The following PCDH11X variants were observed in gnomAD, a reference collection of about 807,000 sequenced individuals.
The protein encoded by PCDH11X is protocadherin 11 X-linked.
A neutral mutation model predicts 53.3 loss-of-function variants in PCDH11X; 18 were observed. The observed-to-expected ratio is 0.34, with a 90% confidence interval of 0.23 to 0.50. PCDH11X has a LOEUF of 0.50. Ranked by LOEUF, PCDH11X falls within the 20% of genes least tolerant of loss-of-function variation. The pLI, the probability that PCDH11X is intolerant of heterozygous loss-of-function variation, is 0.98. For synonymous variants in PCDH11X, 279 were observed against 393.3 expected (o/e 0.71, Z 3.44); for missense variants, 570 against 1,032.4 (o/e 0.55, Z 6.14).
rs771561570 is a variant in PCDH11X at position 92,545,307 on chromosome X, A to C, written c.3368-72957A>C. The stretch of plus-strand genomic sequence containing the variant: ...CCAAAGACCAGTAAGAACTTACTAC[A>C]TAAGAGACATGTAGTCTATCAAATA... On this transcript the variant is annotated intron_variant, in intron 10 of 10. Coordinates refer to ENST00000682573, the MANE Select transcript of PCDH11X (RefSeq NM_032968.5). Among the ~76,000 whole-genome samples the C allele has an allele frequency of 2.9e-3, 317 of 109,693 alleles. No homozygotes were observed. In the Middle Eastern group the frequency reaches 0.037, roughly 13 times the overall value.
In PCDH11X at chrX:92,447,893, C is replaced by T. The variant is rs1388002307; in HGVS notation, c.3344-20406C>T. Among the ~76,000 whole-genome samples the T allele has an allele frequency of 2.7e-5, 3 of 111,874 alleles. No homozygotes were observed. The East Asian group carries it at 8.6e-4, about 32-fold the overall frequency. Reference sequence around the variant, plus strand: ...GGAGCTGCTGAAGATCATGGGAACCCACTTCTTGCATCAGCATGACCCGGA... The same window carrying T: ...GGAGCTGCTGAAGATCATGGGAACCTACTTCTTGCATCAGCATGACCCGGA... On this transcript the variant is annotated intron_variant, in intron 9 of 10. Transcript: ENST00000682573.
chrX:92,461,512 A>T (rs1212751002), intron 9 of PCDH11X, among the ~76,000 whole-genome samples: 1 of 112,371 alleles, frequency 8.9e-6, no homozygotes, highest in African/African-American at 3.2e-5. Context: ...CATATGCAGA[A>T]GAATTAAACT....
intron 6 of PCDH11X, among the ~76,000 whole-genome samples, chrX:92,032,102 C>T (rs2063060016): frequency 9.0e-6 from 1 of 111,728 alleles, no homozygotes; most frequent in African/African-American, 3.3e-5. Context: ...AATATTCATT[C>T]TTCCAATTCA....
intron 6 of PCDH11X, among the ~76,000 whole-genome samples, chrX:91,901,391 T>C (rs992460657): frequency 2.7e-5 from 3 of 110,768 alleles, no homozygotes; most frequent in African/African-American, 9.8e-5. Flanking sequence ...AAGATTGGCC[T>C]AACTCTCACT....
intron 6 of PCDH11X, chrX:92,114,589 C>T (rs746594216): frequency 7.2e-4 from 291 of 402,883 alleles, no homozygotes; most frequent in Non-Finnish European, 1.1e-3. Context: ...AATCACTTTC[C>T]TAAAGGCAAA....
chrX:92,603,927 T>A (rs374514452), intron 10 of PCDH11X, among the ~76,000 whole-genome samples: 2 of 107,068 alleles, frequency 1.9e-5, no homozygotes, highest in Admixed American at 1.0e-4. Context: ...AAAACCCTTG[T>A]ATAAGACAAG....
chrX:91,854,244 T>G (rs1938195503), intron 5 of PCDH11X, among the ~76,000 whole-genome samples: 1 of 111,973 alleles, frequency 8.9e-6, no homozygotes, highest in South Asian at 3.7e-4. Flanking sequence ...CACAAATATG[T>G]GAGAACGTGT....
At chrX:92,024,444 A>G (rs757589321) in intron 6 of PCDH11X, among the ~76,000 whole-genome samples, 27 of 110,863 alleles carry the variant, frequency 2.4e-4, no homozygotes, top group African/African-American at 8.5e-4. Flanking sequence ...ACACCTAGGA[A>G]TACAGCTAAC....
chrX:92,346,557 A>T (rs188749805), intron 8 of PCDH11X, among the ~76,000 whole-genome samples: 273 of 111,890 alleles, frequency 2.4e-3, no homozygotes, highest in Non-Finnish European at 4.1e-3. Context: ...TTGTATTAAA[A>T]TTTTACAAGC....
rs1197455540 is a variant in PCDH11X at position 92,418,026 on chromosome X, G to A, written c.3343+30093G>A. 3.7e-5 allele frequency among the ~76,000 whole-genome samples: 4 copies of A among 109,133 alleles called. No individual in the cohort carries two copies. In the Admixed American group the frequency reaches 4.0e-4, roughly 11 times the overall value. The allele number at this position is 109,133 out of a possible 115,157, so 94.8% of individuals were successfully genotyped here. On this transcript the variant is annotated intron_variant, in intron 9 of 10. Coordinates refer to ENST00000682573, the MANE Select transcript of PCDH11X (RefSeq NM_032968.5). ...TTCAATATGATGTTAAATAACATTCGACTAATCTTTCACTGATATATATTG... is the reference window on the plus strand; with the variant it reads ...TTCAATATGATGTTAAATAACATTCAACTAATCTTTCACTGATATATATTG...
intron 6 of PCDH11X, among the ~76,000 whole-genome samples, chrX:91,992,590 T>C (rs1458835251): frequency 2.1e-5 from 2 of 96,022 alleles, no homozygotes; most frequent in East Asian, 3.4e-4. Flanking sequence ...TGTCACCTAG[T>C]GCAGTTGTAA....
chrX:92,068,897 T>C (rs938470239), intron 6 of PCDH11X, among the ~76,000 whole-genome samples: 5 of 111,213 alleles, frequency 4.5e-5, no homozygotes, highest in Non-Finnish European at 7.5e-5. Flanking sequence ...TGTGACTTAT[T>C]ATATGGTCTG....
At chrX:91,807,176 CAAAAAAAA>C (rs1218341876) in intron 1 of PCDH11X, among the ~76,000 whole-genome samples, 1 of 32,306 alleles carries the variant, frequency 3.1e-5, no homozygotes, top group African/African-American at 1.2e-4. Context: ...CTCATCTCTA[CAAAAAAAA>C]AAAAAAAAAA....
At chrX:92,427,913 A>G (rs1251266040) in intron 9 of PCDH11X, among the ~76,000 whole-genome samples, 1 of 54,639 alleles carries the variant, frequency 1.8e-5, no homozygotes, top group Non-Finnish European at 3.3e-5. Context: ...CTCCATCCTA[A>G]GAAATCCAAT....
At chrX:92,534,081 A>C (rs1473695428) in intron 10 of PCDH11X, among the ~76,000 whole-genome samples, 2 of 103,709 alleles carry the variant, frequency 1.9e-5, no homozygotes, top group Non-Finnish European at 3.9e-5. Flanking sequence ...TAGGCTTCAG[A>C]AGATCAGTAA....
At chrX:92,549,883 A>G (rs1220085612) in intron 10 of PCDH11X, among the ~76,000 whole-genome samples, 1 of 111,804 alleles carries the variant, frequency 8.9e-6, no homozygotes, top group Non-Finnish European at 1.9e-5. Flanking sequence ...TACAATGCAT[A>G]GTGATCAAAT....
chrX:92,563,070 T>G (rs2075160648), intron 10 of PCDH11X, among the ~76,000 whole-genome samples: 1 of 84,498 alleles, frequency 1.2e-5, no homozygotes, highest in Non-Finnish European at 2.3e-5. Flanking sequence ...TTTTTTTTTT[T>G]TTTTTTTTTT....
At chrX:92,524,722 T>G (rs1416587458) in intron 10 of PCDH11X, among the ~76,000 whole-genome samples, 2 of 111,382 alleles carry the variant, frequency 1.8e-5, no homozygotes, top group African/African-American at 6.5e-5. Context: ...TGTTTCAATC[T>G]CTTGCCATTC....
intron 10 of PCDH11X, among the ~76,000 whole-genome samples, chrX:92,527,382 A>G (rs931713469): frequency 9.0e-6 from 1 of 110,995 alleles, no homozygotes; most frequent in African/African-American, 3.3e-5. Flanking sequence ...CAGGTACCCC[A>G]TGAATATATA....
Sources: gnomAD v4.1 joint callset for allele counts (sites outside exome capture counted in the v4.1 genomes callset) on GRCh38, gnomAD v4.1.1 for gene constraint, MANE v1.5 for transcripts, NCBI Gene and HGNC (gene_info 2026-07-23, HGNC 2026-07-21) for gene names.